BUD13: variants seen among roughly 807,000 people sequenced by gnomAD.
BUD13 encodes BUD13 spliceosome associated protein, also known as BUD13 homolog.
A neutral mutation model predicts 62.5 loss-of-function variants in BUD13; 47 were observed. The observed-to-expected ratio is 0.75, with a 90% CI of 0.60 to 0.96. BUD13 has a LOEUF of 0.96. Among genes scored for constraint, BUD13 ranks in the 40% least tolerant of loss-of-function variants. BUD13 has a pLI of 0.00. For synonymous variants in BUD13, 293 were observed against 280.1 expected (o/e 1.05, Z -0.46); for missense variants, 821 against 790.9 (o/e 1.04, Z -0.46).
At position 116,758,363 on chromosome 11, in the gene BUD13, G is replaced by A. The variant is rs778142684; in HGVS notation, c.1405C>T (p.Arg469Cys). 2.0e-5 allele frequency: 33 copies of A among 1,613,746 alleles called. 1 individual carries two copies. Among genetic ancestry groups the A allele is most frequent in the South Asian group, 1.8e-4 (16 of 91,066 alleles). ...CGTTCGAGTTTCAAATTCCTCTTAC[G>A]ACCAGACTTATCTCGAAATACGGTT... is the stretch of plus-strand genomic sequence containing the variant. The part of the protein sequence containing the change: ...AETVFRDKSG[R>C]KRNLKLERLE... The change falls in exon 7 of 10, where the codon CGT (arginine) becomes TGT (cysteine). Residue 469 changes from arginine (R) to cysteine (C), a missense_variant. Physicochemically the swap from Arg to Cys is radical, Grantham distance 180 (BLOSUM62 -3). This residue lies in a region of BUD13 where 800 missense variants were observed against 739.2 expected (regional missense o/e 1.08). Coordinates refer to ENST00000260210, the MANE Select transcript of BUD13 (RefSeq NM_032725.4).
At chr11:116,767,287 A>C (rs960023690) in intron 2 of BUD13, among the ~76,000 whole-genome samples, 2 of 150,758 alleles carry the variant, frequency 1.3e-5, no homozygotes, top group African/African-American at 4.9e-5. Flanking sequence ...AAAATGATTC[A>C]TTTCACTAGT....
chr11:116,763,773 G>C (rs1940481209), intron 3 of BUD13, among the ~76,000 whole-genome samples: 2 of 152,044 alleles, frequency 1.3e-5, no homozygotes, highest in South Asian at 4.2e-4. Flanking sequence ...TCTTTCAATA[G>C]GTAAATTGAC....
At chr11:116,767,608 A>AG (rs1257742893) in intron 2 of BUD13, among the ~76,000 whole-genome samples, 2 of 151,384 alleles carry the variant, frequency 1.3e-5, no homozygotes, top group Non-Finnish European at 2.9e-5. Context: ...AAAAAAAAAA[A>AG]AAAAGAAACT....
At chr11:116,755,924 G>A (rs192011661) in intron 9 of BUD13, among the ~76,000 whole-genome samples, 27 of 152,068 alleles carry the variant, frequency 1.8e-4, no homozygotes, top group South Asian at 1.0e-3. Flanking sequence ...TTTTAAGAGC[G>A]TAGGCCAGGC....
At chr11:116,758,019 A>G (rs1379904560) in intron 7 of BUD13, 69 bp from the exon 8 acceptor site, 2 of 1,568,732 alleles carry the variant, frequency 1.3e-6, no homozygotes, top group Non-Finnish European at 1.7e-6. Flanking sequence ...GAGATGGACC[A>G]TACTGCTAAG....
intron 9 of BUD13, among the ~76,000 whole-genome samples, chr11:116,752,136 C>T (rs766298569): frequency 1.3e-5 from 2 of 151,990 alleles, no homozygotes; most frequent in Non-Finnish European, 2.9e-5. Flanking sequence ...TTAGTAGAGA[C>T]GAGGTTTCAC....
At chr11:116,751,903 G>C (rs1940241748) in intron 9 of BUD13, among the ~76,000 whole-genome samples, 1 of 152,136 alleles carries the variant, frequency 6.6e-6, no homozygotes, top group Admixed American at 6.5e-5. Context: ...CTTTCTCAGG[G>C]AAATTGCATG....
intron 9 of BUD13, 114 bp from the exon 10 acceptor site, chr11:116,748,689 GA>G: frequency 1.7e-6 from 2 of 1,158,224 alleles, no homozygotes; most frequent in Non-Finnish European, 2.5e-6. Flanking sequence ...GGAGTCATAT[GA>G]AAATATTTTA....
intron 1 of BUD13, among the ~76,000 whole-genome samples, chr11:116,772,310 G>T (rs1217121196): frequency 6.6e-6 from 1 of 152,160 alleles, no homozygotes; most frequent in African/African-American, 2.4e-5. Flanking sequence ...ACTTATATAT[G>T]TTTAAATTTC....
At chr11:116,767,160 C>T (rs1427764602) in intron 2 of BUD13, among the ~76,000 whole-genome samples, 1 of 149,886 alleles carries the variant, frequency 6.7e-6, no homozygotes, top group East Asian at 2.0e-4. Flanking sequence ...TGCACTCCAG[C>T]GTTGGTGACA....
At chr11:116,757,285 G>T in intron 8 of BUD13, 58 bp from the exon 9 acceptor site, 1 of 1,487,726 alleles carries the variant, frequency 6.7e-7, no homozygotes, top group Non-Finnish European at 9.3e-7. Flanking sequence ...ATTCAGAGCT[G>T]GATGGCAATG....
chr11:116,757,671 T>C lies in BUD13; in HGVS notation c.1684+95A>G, dbSNP rs1164415936. The C allele has an allele frequency of 3.0e-6, 4 of 1,330,220 alleles. No individual in the cohort carries two copies. In the East Asian group the frequency reaches 7.0e-5, roughly 23 times the overall value. The allele number at this position is 1,330,220 out of a possible 1,614,324, so 82.4% of individuals were successfully genotyped here. A position where few individuals can be genotyped will look rare whatever the true frequency, so the allele number is the denominator to read the frequency against. ...CACAAATACAATGAATTTAAATTAT[T>C]TGGGAAATCCTTCTTTGCATATAGC... On this transcript the variant is annotated intron_variant, in intron 8 of 9. Transcript: ENST00000260210.
Position 116,757,156 on chromosome 11 carries a change from C to T in BUD13, c.1756G>A (p.Gly586Arg), listed in dbSNP as rs765911584. Reference sequence around the variant, plus strand: ...AATACCCAGGCTTACCTGTCCACTCCGTCCCAGCGATATCCAGGCCAGATA... The same window carrying T: ...AATACCCAGGCTTACCTGTCCACTCTGTCCCAGCGATATCCAGGCCAGATA... The part of the protein sequence containing the change: ...FNIWPGYRWD[G>R]VDRSNGFEQK... The change falls in exon 9 of 10, where the codon GGA becomes AGA. Residue 586 changes from glycine to arginine, a missense_variant. By Grantham distance (125) the Gly-to-Arg change is moderately radical. Transcript: ENST00000260210. 6 of 1,614,038 alleles carry T rather than the reference C, an allele frequency of 3.7e-6. No individual in the cohort carries two copies. Among genetic ancestry groups the T allele is most frequent in the East Asian group, 2.2e-5 (1 of 44,880 alleles).
At chr11:116,765,674 C>A (rs2134182450) in intron 2 of BUD13, among the ~76,000 whole-genome samples, 1 of 152,324 alleles carries the variant, frequency 6.6e-6, no homozygotes. Flanking sequence ...TAATCAATTA[C>A]CCTGCAAAGG....
chr11:116,751,672 C>G (rs1006829427), intron 9 of BUD13, among the ~76,000 whole-genome samples: 1 of 152,124 alleles, frequency 6.6e-6, no homozygotes, highest in African/African-American at 2.4e-5. Context: ...GGCATCCTCT[C>G]CAACCTTAGA....
intron 1 of BUD13, among the ~76,000 whole-genome samples, chr11:116,772,228 T>C (rs912340394): frequency 6.6e-6 from 1 of 152,220 alleles, no homozygotes; most frequent in Non-Finnish European, 1.5e-5. Flanking sequence ...TAGGGCCCAC[T>C]ACACTGGGCC....
At position 116,757,756 on chromosome 11, in the gene BUD13, G is replaced by T. The variant is rs762737585; in HGVS notation, c.1684+10C>A. 1 of 1,603,368 alleles carries T rather than the reference G, an allele frequency of 6.2e-7. No individual in the cohort carries two copies. Among genetic ancestry groups the T allele is most frequent in the Non-Finnish European group, 8.5e-7 (1 of 1,176,482 alleles). ...AGTCACCTCCAGCTGATGATTCCCA[G>T]AAGTCCCACCTTTTTTATTCTTGTT... On this transcript the variant is annotated intron_variant, in intron 8 of 9. Transcript: ENST00000260210.
Position 116,762,714 on chromosome 11 carries a change from T to A in BUD13, c.875A>T (p.Glu292Val). ...LPRTKSGKAPERASSKTSPHW... is the reference protein window; with the variant it reads ...LPRTKSGKAPVRASSKTSPHW... The stretch of plus-strand genomic sequence containing the variant: ...TGGAGAAGTCTTGCTAGAGGCTCTT[T>A]CTGGGGCTTTACCACTTTTGGTTCT... Residue 292 changes from glutamate to valine, a missense_variant, in exon 4 of 10, where the codon GAA becomes GTA. Physicochemically the swap from Glu to Val is moderately radical, Grantham distance 121 (BLOSUM62 -2). Around this residue, in one of 2 missense-constraint regions of BUD13, gnomAD observed 800 missense variants for 739.2 expected, o/e 1.08. Coordinates refer to ENST00000260210, the MANE Select transcript of BUD13 (RefSeq NM_032725.4). 1 of 1,614,210 alleles carries A rather than the reference T, an allele frequency of 6.2e-7. No individual in the cohort carries two copies. The highest frequency in any genetic ancestry group is 2.2e-5 in the East Asian group (1 of 44,884).
At chr11:116,766,019 G>C (rs1940524902) in intron 2 of BUD13, among the ~76,000 whole-genome samples, 1 of 152,162 alleles carries the variant, frequency 6.6e-6, no homozygotes, top group South Asian at 2.1e-4. Context: ...TTCCTAATAA[G>C]TGGTCACTCG....
Sources: allele counts gnomAD v4.1 joint callset (sites outside exome capture counted in the v4.1 genomes callset), GRCh38; gene constraint gnomAD v4.1.1; regional missense constraint gnomAD v4.1.1; transcripts MANE v1.5; gene names NCBI Gene and HGNC (gene_info 2026-07-23, HGNC 2026-07-21).